Variants in TCF4 observed in about 807,000 individuals in gnomAD.
TCF4 encodes the protein SL3-3 enhancer factor 2.
Under a neutral mutation model 82.1 loss-of-function variants are expected in TCF4, and 3 were observed. The observed-to-expected ratio is 0.04, with a 90% CI of 0.02 to 0.09. The LOEUF is 0.09. Ranked by LOEUF, TCF4 falls within the 10% of genes least tolerant of loss-of-function variation. TCF4 has a pLI of 1.00. For missense variants in TCF4, 518 were observed against 852.7 expected, an observed-to-expected ratio of 0.61 and a Z score of 4.89; for synonymous variants, 276 against 309.6, an observed-to-expected ratio of 0.89 and a Z score of 1.14.
chr18:55,478,964 T>C (rs1366580083), intron 3 of TCF4, among the ~76,000 whole-genome samples: 1 of 151,990 alleles, frequency 6.6e-6, no homozygotes, highest in African/African-American at 2.4e-5. Context: ...TTTAATTACA[T>C]GAAATATGGC....
intron 2 of TCF4, among the ~76,000 whole-genome samples, chr18:55,626,028 A>G (rs1315254924): frequency 6.6e-6 from 1 of 152,180 alleles, no homozygotes; most frequent in Non-Finnish European, 1.5e-5. Context: ...CTTGTTTCCC[A>G]GTGGAACTAT....
chr18:55,446,578 C>T (rs928606250), intron 5 of TCF4, among the ~76,000 whole-genome samples: 10 of 152,128 alleles, frequency 6.6e-5, no homozygotes, highest in African/African-American at 2.4e-4. Context: ...TCTCAATTGC[C>T]TCCTTTGTAA....
chr18:55,579,636 T>A (rs1169091271), intron 3 of TCF4, among the ~76,000 whole-genome samples: 1 of 151,994 alleles, frequency 6.6e-6, no homozygotes, highest in Non-Finnish European at 1.5e-5. Flanking sequence ...ATGTTCCTTA[T>A]TAGGCAACTT....
chr18:55,343,653 A>G (rs1038714962), intron 8 of TCF4, among the ~76,000 whole-genome samples: 3 of 152,186 alleles, frequency 2.0e-5, no homozygotes, highest in African/African-American at 7.2e-5. Context: ...AACTTCTCTG[A>G]AGAGGGAGTA....
intron 9 of TCF4, 118 bp from the exon 10 acceptor site, chr18:55,275,870 T>G: frequency 7.7e-7 from 1 of 1,299,806 alleles, no homozygotes; most frequent in Non-Finnish European, 1.1e-6. Context: ...TTGTGTTGGT[T>G]AGCTGATTAC....
chr18:55,589,477 T>G, upstream of TCF4: 3 of 1,056,208 alleles, frequency 2.8e-6, no homozygotes, highest in Non-Finnish European at 3.4e-6. Context: ...GGCTCTGGTT[T>G]TTGCATTTTC....
intron 15 of TCF4, among the ~76,000 whole-genome samples, chr18:55,251,044 C>G (rs1379396636): frequency 6.6e-6 from 1 of 152,104 alleles, no homozygotes; most frequent in East Asian, 1.9e-4. Flanking sequence ...CAAAGAGATA[C>G]AAAAGTTCCG....
At chr18:55,587,957 C>A in intron 1 of TCF4, 81 bp downstream of exon 1, 11 of 927,976 alleles carry the variant, frequency 1.2e-5, no homozygotes, top group Non-Finnish European at 1.4e-5. Flanking sequence ...AGGCGCGGAG[C>A]CGCGTGCGGG....
intron 8 of TCF4, among the ~76,000 whole-genome samples, chr18:55,281,802 A>G (rs1278236104): frequency 6.6e-6 from 1 of 151,842 alleles, no homozygotes; most frequent in Non-Finnish European, 1.5e-5. Context: ...ATTTACAAGG[A>G]GGCTACTTTG....
At chr18:55,632,523 G>A (rs1683793678) in intron 1 of TCF4, among the ~76,000 whole-genome samples, 1 of 152,172 alleles carries the variant, frequency 6.6e-6, no homozygotes, top group Admixed American at 6.5e-5. Flanking sequence ...TAGGTAGGAT[G>A]AATAAAAGCA....
intron 8 of TCF4, among the ~76,000 whole-genome samples, chr18:55,293,963 T>TTTTTG (rs11444091): frequency 7.1e-6 from 1 of 139,956 alleles, no homozygotes; most frequent in Admixed American, 7.2e-5. Flanking sequence ...TTTTTTTTTT[T>TTTTTG]AGAATTCATA....
At chr18:55,591,540 G>T (rs1011554528), upstream of TCF4, among the ~76,000 whole-genome samples, 2 of 152,152 alleles carry the variant, frequency 1.3e-5, no homozygotes, top group Non-Finnish European at 2.9e-5. Flanking sequence ...GTTTTGAGAT[G>T]GAGTTTCACT....
intron 3 of TCF4, among the ~76,000 whole-genome samples, chr18:55,565,119 C>T (rs1280978420): frequency 6.6e-6 from 1 of 151,988 alleles, no homozygotes; most frequent in South Asian, 2.1e-4. Context: ...TTAAAAAGAA[C>T]ATTTTCTCTA....
At chr18:55,572,762 G>C (rs1163471355) in intron 3 of TCF4, among the ~76,000 whole-genome samples, 2 of 152,108 alleles carry the variant, frequency 1.3e-5, no homozygotes, top group East Asian at 3.9e-4. Context: ...GCTATAAAAA[G>C]CCTAAACAGG....
At chr18:55,463,172 A>T (rs930861187) in intron 4 of TCF4, among the ~76,000 whole-genome samples, 1 of 152,222 alleles carries the variant, frequency 6.6e-6, no homozygotes, top group African/African-American at 2.4e-5. Context: ...AATCTGGGGC[A>T]TTGTATGTAC....
chr18:55,244,873 AG>A (rs1258966576), intron 15 of TCF4, among the ~76,000 whole-genome samples: 8 of 152,354 alleles, frequency 5.3e-5, no homozygotes, highest in African/African-American at 1.9e-4. Flanking sequence ...GCCAGGGAGA[AG>A]GCAAATGTGA....
At chr18:55,551,422 A>G (rs1013131583) in intron 3 of TCF4, 1 of 152,296 alleles carries the variant, frequency 6.6e-6, no homozygotes, top group African/African-American at 2.4e-5. Flanking sequence ...TTTACAGATG[A>G]GCAAACTGAG....
intron 2 of TCF4, among the ~76,000 whole-genome samples, chr18:55,612,427 T>C (rs921235432): frequency 1.3e-5 from 2 of 152,246 alleles, no homozygotes; most frequent in Admixed American, 1.3e-4. Flanking sequence ...TATCTGACAT[T>C]GAGCAAAGTA....
At chr18:55,453,261 G>A (rs2095662677) in intron 5 of TCF4, among the ~76,000 whole-genome samples, 1 of 152,054 alleles carries the variant, frequency 6.6e-6, no homozygotes, top group African/African-American at 2.4e-5. Flanking sequence ...TAGACAATGA[G>A]GGGAAGGACA....
Sources: gnomAD v4.1 joint callset for allele counts (sites outside exome capture counted in the v4.1 genomes callset) on GRCh38, gnomAD v4.1.1 for gene constraint, MANE v1.5 for transcripts, NCBI Gene and HGNC (gene_info 2026-07-23, HGNC 2026-07-21) for gene names.